Variants in ARHGAP26 observed in about 807,000 individuals in gnomAD.
ARHGAP26 encodes the protein rho GTPase-activating protein 26.
In ARHGAP26, 38 loss-of-function variants were observed where a neutral mutation model predicts 104.8. That is an observed-to-expected ratio of 0.36 (90% CI 0.28 to 0.48). The LOEUF is 0.48. Among genes scored for constraint, ARHGAP26 ranks in the 20% least tolerant of loss-of-function variants. The pLI is 0.99. For synonymous variants in ARHGAP26, 341 were observed against 340.0 expected, an observed-to-expected ratio of 1.00 and a Z score of -0.03; for missense variants, 704 against 947.9, an observed-to-expected ratio of 0.74 and a Z score of 3.38.
Position 142,785,529 on chromosome 5 carries a change from AG to A in ARHGAP26, c.154+14615del, listed in dbSNP as rs141113007. On this transcript the variant is annotated intron_variant, in intron 1 of 22. Transcript: ENST00000645722. ...CTTTAGAGAGAGTAATTGGAACGAG[AG>A]CGTGTTATTTCTGCTTGAGAATGGG... Among the ~76,000 whole-genome samples, 1,100 of 152,212 alleles carry A rather than the reference AG, an allele frequency of 7.2e-3. 15 individuals carry two copies. The highest frequency in any genetic ancestry group is 0.025 in the African/African-American group (1,028 of 41,526).
intron 4 of ARHGAP26, among the ~76,000 whole-genome samples, chr5:142,883,398 C>G (rs1757276405): frequency 6.6e-6 from 1 of 152,220 alleles, no homozygotes. Context: ...GTACCCTCCT[C>G]AAATTTGAAG....
intron 11 of ARHGAP26, among the ~76,000 whole-genome samples, chr5:142,993,326 C>G (rs975607303): frequency 6.6e-6 from 1 of 151,934 alleles, no homozygotes; most frequent in African/African-American, 2.4e-5. Context: ...CCCGCCACCG[C>G]GCCCGGCTAA....
intron 20 of ARHGAP26, chr5:143,170,557 A>G (rs1400853083): frequency 2.0e-5 from 3 of 152,224 alleles, no homozygotes; most frequent in Admixed American, 6.5e-5. Flanking sequence ...TCCATGAGCT[A>G]TGGTGATGAT....
chr5:143,048,356 G>A (rs1784514773), intron 14 of ARHGAP26, among the ~76,000 whole-genome samples: 2 of 151,930 alleles, frequency 1.3e-5, no homozygotes, highest in Non-Finnish European at 2.9e-5. Flanking sequence ...CACCTCCTAG[G>A]TTCAAGTGAT....
intron 17 of ARHGAP26, among the ~76,000 whole-genome samples, chr5:143,074,118 A>T (rs1225249705): frequency 6.6e-6 from 1 of 152,200 alleles, no homozygotes; most frequent in African/African-American, 2.4e-5. Flanking sequence ...CATTTTAACT[A>T]GTATTGCTAA....
intron 20 of ARHGAP26, among the ~76,000 whole-genome samples, chr5:143,206,902 G>C (rs1039313693): frequency 1.3e-5 from 2 of 152,254 alleles, no homozygotes; most frequent in Non-Finnish European, 2.9e-5. Context: ...ACTCATGTGC[G>C]TGGGCTCAGG....
intron 18 of ARHGAP26, among the ~76,000 whole-genome samples, chr5:143,131,023 C>T (rs1797285329): frequency 6.6e-6 from 1 of 152,186 alleles, no homozygotes; most frequent in South Asian, 2.1e-4. Context: ...ACAATGAGAC[C>T]CAGGGAACTG....
intron 1 of ARHGAP26, among the ~76,000 whole-genome samples, chr5:142,858,119 G>A (rs552395838): frequency 6.6e-6 from 1 of 151,622 alleles, no homozygotes; most frequent in African/African-American, 2.4e-5. Context: ...GAGGGAGTGT[G>A]TGTGTGTGTG....
intron 17 of ARHGAP26, among the ~76,000 whole-genome samples, chr5:143,087,896 G>T (rs929561344): frequency 2.6e-5 from 4 of 151,652 alleles, no homozygotes; most frequent in Non-Finnish European, 4.4e-5. Flanking sequence ...TGATACACCC[G>T]CCTCGGCCTC....
At chr5:143,148,710 G>A (rs1799442768) in intron 20 of ARHGAP26, among the ~76,000 whole-genome samples, 1 of 152,154 alleles carries the variant, frequency 6.6e-6, no homozygotes, top group Non-Finnish European at 1.5e-5. Context: ...TGCCTAGGGA[G>A]CCTCCCTGCC....
intron 1 of ARHGAP26, among the ~76,000 whole-genome samples, chr5:142,776,013 T>TA (rs1400770177): frequency 6.6e-6 from 1 of 152,268 alleles, no homozygotes; most frequent in African/African-American, 2.4e-5. Context: ...TATTTATATT[T>TA]ATTCCTTTCA....
intron 10 of ARHGAP26, among the ~76,000 whole-genome samples, chr5:142,916,204 T>A (rs1419815904): frequency 6.6e-6 from 1 of 152,262 alleles, no homozygotes; most frequent in African/African-American, 2.4e-5. Context: ...AAATACATGT[T>A]GAAGTGTGAA....
chr5:143,213,428 G>A (rs1407692421), intron 21 of ARHGAP26, among the ~76,000 whole-genome samples: 1 of 152,178 alleles, frequency 6.6e-6, no homozygotes, highest in Non-Finnish European at 1.5e-5. Context: ...CTCCCCTGGG[G>A]GTTGGAGAGC....
intron 17 of ARHGAP26, among the ~76,000 whole-genome samples, chr5:143,077,698 C>G (rs1789238222): frequency 1.3e-5 from 2 of 152,224 alleles, no homozygotes; most frequent in Admixed American, 1.3e-4. Context: ...TGTGGAAAGT[C>G]TCTCTTGAGG....
intron 17 of ARHGAP26, among the ~76,000 whole-genome samples, chr5:143,076,359 T>G (rs1303772661): frequency 6.6e-6 from 1 of 152,092 alleles, no homozygotes; most frequent in Non-Finnish European, 1.5e-5. Flanking sequence ...TCTAAGACAA[T>G]GTAAAGGAAT....
intron 4 of ARHGAP26, among the ~76,000 whole-genome samples, chr5:142,881,865 C>A (rs1371778102): frequency 6.6e-6 from 1 of 152,164 alleles, no homozygotes; most frequent in African/African-American, 2.4e-5. Context: ...ACTTTTTCCT[C>A]CTCCTCCACT....
intron 22 of ARHGAP26, among the ~76,000 whole-genome samples, chr5:143,217,784 C>T (rs1810563766): frequency 6.6e-6 from 1 of 152,228 alleles, no homozygotes. Context: ...CCACTGGCCG[C>T]CTGACACATC....
rs1049634564 is a variant in ARHGAP26 at position 142,907,516 on chromosome 5, T to A, written c.833-188T>A. The A allele has an allele frequency of 1.9e-4, 63 of 338,714 alleles. No homozygotes were observed. The East Asian group carries it at 2.8e-3, about 15-fold the overall frequency. 21.0% of individuals were successfully genotyped at this position (338,714 alleles called of 1,614,324 possible). On this transcript the variant is annotated intron_variant, in intron 8 of 22. Transcript: ENST00000645722. ...CCTGGGGGAAATCCCGGGGTTGGTT[T>A]CATTTGAGCCTGTGGGATCAGATTT...
At chr5:143,133,885 A>C in intron 18 of ARHGAP26, 82 bp from the exon 19 acceptor site, 1 of 1,371,164 alleles carries the variant, frequency 7.3e-7, no homozygotes. Flanking sequence ...GACACTGCCA[A>C]GCTTTCCGTT....
Sources: allele counts gnomAD v4.1 joint callset (sites outside exome capture counted in the v4.1 genomes callset), GRCh38; gene constraint gnomAD v4.1.1; transcripts MANE v1.5; gene names NCBI Gene and HGNC (gene_info 2026-07-23, HGNC 2026-07-21).